PUM2: variants seen among roughly 807,000 people sequenced by gnomAD.
PUM2 encodes the protein pumilio RNA binding family member 2.
In PUM2, 57 loss-of-function variants were observed where a neutral mutation model predicts 124.5. The ratio of observed to expected loss-of-function variants is 0.46; its 90% confidence interval spans 0.37 to 0.57. The LOEUF (loss-of-function observed/expected upper bound fraction) is 0.57, where lower values mean the gene tolerates loss of function less well. Ranked by LOEUF, PUM2 falls within the 20% of genes least tolerant of loss-of-function variation. PUM2 has a pLI of 0.00. For synonymous variants in PUM2, 460 were observed against 446.1 expected (o/e 1.03, Z -0.39); for missense variants, 1,065 against 1,290.6 (o/e 0.83, Z 2.68).
intron 5 of PUM2, among the ~76,000 whole-genome samples, chr2:20,309,428 TTA>T (rs1491388815): frequency 2.7e-5 from 4 of 148,128 alleles, no homozygotes; most frequent in Non-Finnish European, 4.5e-5. Flanking sequence ...TCTTTCTACA[TTA>T]AAAAAAAAAA....
At chr2:20,329,694 G>A (rs773834943) in intron 1 of PUM2, among the ~76,000 whole-genome samples, 11 of 152,072 alleles carry the variant, frequency 7.2e-5, no homozygotes, top group Non-Finnish European at 1.5e-4. Context: ...CGGGTCTTAG[G>A]GTTACAGCGG....
At chr2:20,292,878 G>A (rs1369316633) in intron 9 of PUM2, among the ~76,000 whole-genome samples, 4 of 152,012 alleles carry the variant, frequency 2.6e-5, no homozygotes, top group African/African-American at 9.7e-5. Context: ...GGTGAGCTGA[G>A]ATCACTCCAT....
intron 9 of PUM2, among the ~76,000 whole-genome samples, chr2:20,291,730 C>T (rs893297192): frequency 6.6e-6 from 1 of 152,062 alleles, no homozygotes; most frequent in Non-Finnish European, 1.5e-5. Context: ...ACATCCTTTT[C>T]ATGTCTTTTA....
chr2:20,255,958 A>G, intron 17 of PUM2, 75 bp downstream of exon 17: 3 of 1,388,276 alleles, frequency 2.2e-6, no homozygotes, highest in Non-Finnish European at 2.9e-6. Flanking sequence ...CTAGTGACTC[A>G]TGAAAAACGT....
Position 20,297,780 on chromosome 2 carries a change from G to A in PUM2, c.884-102C>T, listed in dbSNP as rs548399705. The A allele has an allele frequency of 9.7e-5, 119 of 1,225,994 alleles. No homozygotes were observed. In the African/African-American group the frequency reaches 1.1e-3, roughly 12 times the overall value. 75.9% of individuals were successfully genotyped at this position (1,225,994 alleles called of 1,614,324 possible). ...TCTGAATCTGGGGTGGTGTGGGGGT[G>A]GGGAGCAGAGTGTGCATAATGGTTC... On this transcript the variant is annotated intron_variant, in intron 7 of 20. Transcript: ENST00000361078.
intron 1 of PUM2, among the ~76,000 whole-genome samples, chr2:20,329,423 G>A (rs1203371056): frequency 7.2e-6 from 1 of 138,022 alleles, no homozygotes; most frequent in East Asian, 2.1e-4. Flanking sequence ...TAGAACGAGA[G>A]CCCCCTCATC....
chr2:20,274,152 C>A (rs2148759642), intron 13 of PUM2, among the ~76,000 whole-genome samples: 1 of 152,138 alleles, frequency 6.6e-6, no homozygotes, highest in East Asian at 1.9e-4. Context: ...AATCAACAAA[C>A]CACTCTGACA....
Position 20,350,669 on chromosome 2 carries a change from G to A in PUM2, c.-91C>T, listed in dbSNP as rs1179350236. 4.1e-6 allele frequency: 4 copies of A among 985,462 alleles called. No homozygotes were observed. The highest frequency in any genetic ancestry group is 3.5e-5 in the African/African-American group (2 of 57,318). The allele number at this position is 985,462 out of a possible 1,614,324, so 61.0% of individuals were successfully genotyped here. On this transcript the variant is annotated 5_prime_UTR_variant, in exon 1 of 21. Transcript: ENST00000361078. ...GCACACGGCGGCGTCGCTCTTGGCGGTCCTCCCCCTCCTCCGCCTTCGGTG... is the reference window on the plus strand; with the variant it reads ...GCACACGGCGGCGTCGCTCTTGGCGATCCTCCCCCTCCTCCGCCTTCGGTG...
intron 2 of PUM2, among the ~76,000 whole-genome samples, chr2:20,323,554 T>TA (rs761851137): frequency 4.6e-5 from 7 of 152,226 alleles, no homozygotes; most frequent in Admixed American, 2.0e-4. Context: ...AAACATGACT[T>TA]AACTTACTGA....
rs1678713907 is a variant in PUM2, at chr2:20,307,894, C to T, written c.883+84G>A. The T allele has an allele frequency of 2.0e-6, 3 of 1,514,666 alleles. No homozygotes were observed. The South Asian group carries it at 4.0e-5, about 20-fold the overall frequency. The allele number at this position is 1,514,666 out of a possible 1,614,324, so 93.8% of individuals were successfully genotyped here. On this transcript the variant is annotated intron_variant, in intron 7 of 20. Coordinates refer to ENST00000361078, the MANE Select transcript of PUM2 (RefSeq NM_015317.5). ...TCAGATGTTTCAAAAAGTAACAAAA[C>T]CTCACCAATCAGTAAACGAAAAGTG...
intron 3 of PUM2, 75 bp downstream of exon 3, chr2:20,318,462 T>TAA: frequency 1.6e-6 from 2 of 1,281,284 alleles, no homozygotes; most frequent in South Asian, 1.4e-5. Flanking sequence ...AGACTCACTC[T>TAA]AAAAAAAAAG....
chr2:20,283,432 A>G lies in PUM2; in HGVS notation c.1346T>C (p.Val449Ala), dbSNP rs1257333467. Reference protein sequence around the residue: ...AYYDQTGALVVGPGARTGLGA... With the variant: ...AYYDQTGALVAGPGARTGLGA... ...AAGGCCAGTCCTTGCTCCAGGGCCA[A>G]CCACTAAGGCACCAGTCTGATCATA... is the stretch of plus-strand genomic sequence containing the variant. The change falls in exon 11 of 21, where the codon GTT becomes GCT. Residue 449 changes from valine (V) to alanine (A), a missense_variant. Coordinates refer to ENST00000361078, the MANE Select transcript of PUM2 (RefSeq NM_015317.5). 1 of 1,614,064 alleles carries G rather than the reference A, an allele frequency of 6.2e-7. No individual in the cohort carries two copies. Among genetic ancestry groups the G allele is most frequent in the Non-Finnish European group, 8.5e-7 (1 of 1,179,958 alleles).
At chr2:20,258,473 T>G in intron 15 of PUM2, 102 bp from the exon 16 acceptor site, 2 of 1,178,134 alleles carry the variant, frequency 1.7e-6, no homozygotes, top group Admixed American at 4.7e-5. Flanking sequence ...TCAGTAACTA[T>G]GTAGGGCAGG....
intron 1 of PUM2, among the ~76,000 whole-genome samples, chr2:20,347,973 G>A (rs952858604): frequency 6.6e-6 from 1 of 152,142 alleles, no homozygotes; most frequent in Non-Finnish European, 1.5e-5. Flanking sequence ...ACTCATCAAA[G>A]CGAAGTGAGG....
chr2:20,319,028 CTATCA>C (rs546670320), intron 2 of PUM2, among the ~76,000 whole-genome samples: 5 of 152,342 alleles, frequency 3.3e-5, no homozygotes, highest in Non-Finnish European at 5.9e-5. Flanking sequence ...AGACCACCTC[CTATCA>C]TATCTTCTAG....
chr2:20,316,148 T>C (rs763579591), intron 3 of PUM2, among the ~76,000 whole-genome samples: 13 of 152,210 alleles, frequency 8.5e-5, no homozygotes, highest in Non-Finnish European at 1.8e-4. Flanking sequence ...TGGCATATTA[T>C]GTATCACATA....
chr2:20,316,492 T>A (rs1247765159), intron 3 of PUM2, among the ~76,000 whole-genome samples: 3 of 151,046 alleles, frequency 2.0e-5, no homozygotes, highest in African/African-American at 7.3e-5. Flanking sequence ...GCAAACTGTA[T>A]TAACTTAAAA....
chr2:20,271,301 T>C (rs1668953812), intron 13 of PUM2, among the ~76,000 whole-genome samples: 1 of 152,200 alleles, frequency 6.6e-6, no homozygotes, highest in Non-Finnish European at 1.5e-5. Context: ...TTTTAAAGTA[T>C]TACAAACAAG....
At chr2:20,306,110 C>T (rs1262119832) in intron 7 of PUM2, among the ~76,000 whole-genome samples, 1 of 151,960 alleles carries the variant, frequency 6.6e-6, no homozygotes, top group Non-Finnish European at 1.5e-5. Context: ...GAGGCTGCGG[C>T]GAGAGGATCA....
Sources: gnomAD v4.1 joint callset for allele counts (sites outside exome capture counted in the v4.1 genomes callset) on GRCh38, gnomAD v4.1.1 for gene constraint, MANE v1.5 for transcripts, NCBI Gene and HGNC (gene_info 2026-07-23, HGNC 2026-07-21) for gene names.